The following NRXN1 variants were observed in gnomAD, a reference collection of about 807,000 sequenced individuals.
NRXN1 encodes neurexin 1, also known as neurexin-1.
A neutral mutation model predicts 150.9 loss-of-function variants in NRXN1; 39 were observed. That is an observed-to-expected ratio of 0.26 (90% CI 0.20 to 0.34). NRXN1 has a LOEUF of 0.34. NRXN1 is among the 10% of genes least tolerant of loss of function. The pLI is 1.00. For synonymous variants in NRXN1, 924 were observed against 757.0 expected, an observed-to-expected ratio of 1.22 and a Z score of -3.62; for missense variants, 1,815 against 1,949.9, an observed-to-expected ratio of 0.93 and a Z score of 1.30.
At chr2:50,096,083 T>C (rs1359013923) in intron 18 of NRXN1, among the ~76,000 whole-genome samples, 6 of 152,042 alleles carry the variant, frequency 3.9e-5, no homozygotes, top group Middle Eastern at 3.4e-3. Flanking sequence ...TGACATCTCA[T>C]GGATTTAAAC....
intron 5 of NRXN1, among the ~76,000 whole-genome samples, chr2:50,820,080 A>G (rs1224665525): frequency 6.6e-6 from 1 of 152,004 alleles, no homozygotes; most frequent in Non-Finnish European, 1.5e-5. Context: ...TTATTAATAC[A>G]TTTTTAAGAA....
intron 17 of NRXN1, among the ~76,000 whole-genome samples, chr2:50,396,816 T>C (rs2082081202): frequency 6.6e-6 from 1 of 152,048 alleles, no homozygotes; most frequent in African/African-American, 2.4e-5. Context: ...GAAAAACCTA[T>C]CATTAATTTT....
intron 5 of NRXN1, among the ~76,000 whole-genome samples, chr2:50,873,479 CTGATTATAA>C (rs1388591174): frequency 1.3e-5 from 2 of 151,646 alleles, no homozygotes; most frequent in Admixed American, 6.6e-5. Flanking sequence ...AGCATCCAAG[CTGATTATAA>C]TTGAGCTCAT....
At chr2:50,517,207 A>G (rs1034282184) in intron 12 of NRXN1, among the ~76,000 whole-genome samples, 2 of 152,144 alleles carry the variant, frequency 1.3e-5, no homozygotes, top group African/African-American at 4.8e-5. Flanking sequence ...TAATAACGCA[A>G]GAAGCTTACC....
At chr2:50,288,661 A>G (rs1195215080) in intron 17 of NRXN1, among the ~76,000 whole-genome samples, 2 of 151,882 alleles carry the variant, frequency 1.3e-5, no homozygotes, top group Non-Finnish European at 2.9e-5. Flanking sequence ...CATGCAGGGA[A>G]CTCCCATTTA....
chr2:50,534,047 C>T (rs2093189298), intron 10 of NRXN1, among the ~76,000 whole-genome samples: 1 of 151,958 alleles, frequency 6.6e-6, no homozygotes, highest in Non-Finnish European at 1.5e-5. Flanking sequence ...AGTGCCCCCA[C>T]AATGCCAGGC....
At chr2:50,626,116 T>G (rs1680988235) in intron 5 of NRXN1, among the ~76,000 whole-genome samples, 1 of 151,958 alleles carries the variant, frequency 6.6e-6, no homozygotes, top group South Asian at 2.1e-4. Flanking sequence ...TTGCACAAAT[T>G]GAAACACTAA....
At chr2:50,685,839 A>T (rs1233752481) in intron 5 of NRXN1, among the ~76,000 whole-genome samples, 1 of 152,166 alleles carries the variant, frequency 6.6e-6, no homozygotes, top group Non-Finnish European at 1.5e-5. Flanking sequence ...GGAAAATCAT[A>T]GCAAACTGGT....
chr2:50,308,557 T>C (rs1395508739), intron 17 of NRXN1, among the ~76,000 whole-genome samples: 1 of 152,142 alleles, frequency 6.6e-6, no homozygotes, highest in Admixed American at 6.6e-5. Flanking sequence ...TCTTGCTATG[T>C]TGCCCAGGCA....
chr2:49,988,579 C>T (rs1043499874), intron 21 of NRXN1, among the ~76,000 whole-genome samples: 3 of 148,630 alleles, frequency 2.0e-5, no homozygotes, highest in African/African-American at 5.0e-5. Context: ...AGACATTTTA[C>T]CCTCCTTAAA....
intron 18 of NRXN1, among the ~76,000 whole-genome samples, chr2:50,232,242 C>A (rs1170344632): frequency 1.3e-5 from 2 of 152,012 alleles, no homozygotes; most frequent in East Asian, 3.9e-4. Flanking sequence ...AAACAACCAG[C>A]TCATTTATTT....
chr2:50,914,605 A>G (rs1165791314), intron 5 of NRXN1, among the ~76,000 whole-genome samples: 1 of 151,722 alleles, frequency 6.6e-6, no homozygotes, highest in Non-Finnish European at 1.5e-5. Flanking sequence ...AAATTTCTAG[A>G]GGCTTCTTGC....
chr2:50,048,119 G>A (rs960209226), intron 21 of NRXN1, among the ~76,000 whole-genome samples: 1 of 152,068 alleles, frequency 6.6e-6, no homozygotes, highest in Non-Finnish European at 1.5e-5. Flanking sequence ...GAAAAACAAA[G>A]TCTGAATAAC....
chr2:50,699,245 C>A (rs553112398), intron 5 of NRXN1, among the ~76,000 whole-genome samples: 41 of 152,314 alleles, frequency 2.7e-4, no homozygotes, highest in African/African-American at 9.9e-4. Flanking sequence ...TGGCAATATT[C>A]ACACCTTATA....
intron 22 of NRXN1, among the ~76,000 whole-genome samples, chr2:49,932,277 C>T (rs1426283186): frequency 5.9e-5 from 9 of 152,048 alleles, no homozygotes; most frequent in Non-Finnish European, 1.3e-4. Flanking sequence ...AAAAATTAGC[C>T]TGGCATGGTG....
chr2:50,531,186 G>C, intron 11 of NRXN1, 41 bp downstream of exon 11: 1 of 1,537,644 alleles, frequency 6.5e-7, no homozygotes, highest in South Asian at 1.2e-5. Context: ...TGAACAAAAA[G>C]TAAAAAAGTG....
intron 5 of NRXN1, among the ~76,000 whole-genome samples, chr2:50,916,308 A>G (rs1685205325): frequency 1.3e-5 from 2 of 151,180 alleles, no homozygotes; most frequent in African/African-American, 4.8e-5. Flanking sequence ...ATATTTTTAG[A>G]AGATCTCTAA....
intron 5 of NRXN1, among the ~76,000 whole-genome samples, chr2:50,741,466 T>A (rs1280238501): frequency 6.6e-6 from 1 of 152,222 alleles, no homozygotes; most frequent in Non-Finnish European, 1.5e-5. Context: ...ATATCAGAAG[T>A]TGAGGATCAC....
At chr2:50,053,687 G>A in intron 20 of NRXN1, 97 bp from the exon 21 acceptor site, 4 of 1,252,730 alleles carry the variant, frequency 3.2e-6, no homozygotes, top group Admixed American at 1.9e-5. Context: ...TGAATAATGA[G>A]AGCAATAAAC....
Sources: gnomAD v4.1 joint callset for allele counts (sites outside exome capture counted in the v4.1 genomes callset) on GRCh38, gnomAD v4.1.1 for gene constraint, MANE v1.5 for transcripts, NCBI Gene and HGNC (gene_info 2026-07-23, HGNC 2026-07-21) for gene names.